Variants in ZDHHC18 observed in about 807,000 individuals in gnomAD.
ZDHHC18 encodes the protein palmitoyltransferase ZDHHC18.
ZDHHC18 carries 23 observed loss-of-function variants against 37.5 expected under a neutral mutation model. That is an observed-to-expected ratio of 0.61 (90% confidence interval 0.44 to 0.87). The LOEUF (loss-of-function observed/expected upper bound fraction) is 0.87. Among genes scored for constraint, ZDHHC18 ranks in the 40% least tolerant of loss-of-function variants. ZDHHC18 has a pLI of 0.00. For synonymous variants in ZDHHC18, 185 were observed against 218.7 expected (o/e 0.85, Z 1.36); for missense variants, 406 against 525.6 (o/e 0.77, Z 2.22).
At chr1:26,838,229 C>T (rs1022367030) in intron 2 of ZDHHC18, among the ~76,000 whole-genome samples, 2 of 151,376 alleles carry the variant, frequency 1.3e-5, no homozygotes, top group African/African-American at 2.4e-5. Flanking sequence ...TCCCGACCTC[C>T]GGTGATCCGC....
intron 2 of ZDHHC18, among the ~76,000 whole-genome samples, chr1:26,839,710 C>T (rs1262559002): frequency 6.6e-6 from 1 of 152,208 alleles, no homozygotes; most frequent in Non-Finnish European, 1.5e-5. Context: ...TCACTTTTCT[C>T]TATTGAAACT....
At chr1:26,833,634 G>A (rs2081597676) in intron 2 of ZDHHC18, among the ~76,000 whole-genome samples, 1 of 152,100 alleles carries the variant, frequency 6.6e-6, no homozygotes, top group African/African-American at 2.4e-5. Flanking sequence ...TTCCGGGGTG[G>A]CGGGGTACTG....
intron 2 of ZDHHC18, among the ~76,000 whole-genome samples, chr1:26,848,040 C>G (rs1261076541): frequency 6.6e-6 from 1 of 152,084 alleles, no homozygotes; most frequent in African/African-American, 2.4e-5. Flanking sequence ...TGGCTGGGCG[C>G]GGTGCATCAC....
In ZDHHC18 at chr1:26,854,784, C is replaced by T. The variant is rs2081724890; in HGVS notation, c.*941C>T. The T allele has an allele frequency of 6.6e-6, 1 of 152,550 alleles. No homozygotes were observed. The highest frequency in any genetic ancestry group is 6.5e-5 in the Admixed American group (1 of 15,270). The allele number at this position is 152,550 out of a possible 1,614,324, so 9.4% of individuals were successfully genotyped here. A position where few individuals can be genotyped will look rare whatever the true frequency, so the allele number is the denominator to read the frequency against. On this transcript the variant is annotated 3_prime_UTR_variant, in exon 8 of 8. Transcript: ENST00000374142. This position sits in a 1 kb window ranked among gnomAD's most constrained non-coding sequence, Gnocchi z 4.6. The stretch of plus-strand genomic sequence containing the variant: ...TGCCAGGTGAAGGGTTATCAGAAGG[C>T]TGGTTGGTTTTAATAAGTTTATTCC...
chr1:26,849,223 TGATGAGGTGCAGAG>T (rs1267390778), intron 3 of ZDHHC18, among the ~76,000 whole-genome samples: 8 of 152,316 alleles, frequency 5.3e-5, no homozygotes, highest in African/African-American at 1.9e-4. Context: ...GCGTTTAAGC[TGATGAGGTGCAGAG>T]GATGTCACCA....
At chr1:26,851,494 G>T (rs1221569645) in intron 6 of ZDHHC18, among the ~76,000 whole-genome samples, 1 of 152,230 alleles carries the variant, frequency 6.6e-6, no homozygotes, top group Non-Finnish European at 1.5e-5. Flanking sequence ...GCAGGAGGCA[G>T]TACTCACACC....
Position 26,848,603 on chromosome 1 carries a change from C to T in ZDHHC18, c.497-5C>T. ...TTCCCCATCTTTCTCTCCTCCTTCCCTCAGACAACACAGGCAGTTCTACAT... is the reference window on the plus strand; with the variant it reads ...TTCCCCATCTTTCTCTCCTCCTTCCTTCAGACAACACAGGCAGTTCTACAT... On this transcript the variant is annotated splice_region_variant and splice_polypyrimidine_tract_variant and intron_variant, in intron 2 of 7. Coordinates refer to ENST00000374142, the MANE Select transcript of ZDHHC18 (RefSeq NM_032283.3). 1 of 1,608,274 alleles carries T rather than the reference C, an allele frequency of 6.2e-7. No individual in the cohort carries two copies. The highest frequency in any genetic ancestry group is 1.1e-5 in the South Asian group (1 of 91,008).
intron 1 of ZDHHC18, 36 bp downstream of exon 1, chr1:26,827,175 CCTGCCGCG>C: frequency 1.5e-6 from 2 of 1,328,524 alleles, no homozygotes; most frequent in East Asian, 3.0e-5. Flanking sequence ...CTCCCAGCCC[CCTGCCGCG>C]CACCCCACCT....
rs1260347199 is a variant in ZDHHC18 at position 26,826,927 on chromosome 1, C to A, written c.123C>A (p.Ala41=). ...CGGGCCCCGGGCCCGCGCCGCCCGC[C>A]GCCCCCGCCCCGCCGCGCTGGAGCA... ...PTPGPGPAPP[A]APAPPRWSSS... The change falls in exon 1 of 8, where the codon GCC becomes GCA. Residue 41 remains alanine, a synonymous_variant. Coordinates refer to ENST00000374142, the MANE Select transcript of ZDHHC18 (RefSeq NM_032283.3). The surrounding 1 kb of genome is among the most constrained non-coding windows in gnomAD (Gnocchi z 5.2). 4 of 1,053,430 alleles carry A rather than the reference C, an allele frequency of 3.8e-6. No individual in the cohort carries two copies. The African/African-American group carries it at 6.9e-5, about 18-fold the overall frequency. 65.3% of individuals were successfully genotyped at this position (1,053,430 alleles called of 1,614,324 possible).
In ZDHHC18 at chr1:26,855,884, C is replaced by T. The variant is rs1422481732; in HGVS notation, c.*2041C>T. 2 of 201,730 alleles carry T rather than the reference C, an allele frequency of 9.9e-6. No homozygotes were observed. Among genetic ancestry groups the T allele is most frequent in the African/African-American group, 2.3e-5 (1 of 43,684 alleles). 12.5% of individuals were successfully genotyped at this position (201,730 alleles called of 1,614,324 possible). A position where few individuals can be genotyped will look rare whatever the true frequency, so the allele number is the denominator to read the frequency against. ...TCCCTCACCTGGCTGGAGCTCTGTC[C>T]GCTGGAGGAAGAGCAGAGAGGGCTG... On this transcript the variant is annotated 3_prime_UTR_variant, in exon 8 of 8. Coordinates refer to ENST00000374142, the MANE Select transcript of ZDHHC18 (RefSeq NM_032283.3).
At chr1:26,832,157 G>A (rs150265602) in intron 1 of ZDHHC18, 74 of 375,676 alleles carry the variant, frequency 2.0e-4, no homozygotes, top group African/African-American at 1.2e-3. Context: ...AGCTCTGTGT[G>A]TAGAGGGATT....
chr1:26,847,142 G>A (rs182265397), intron 2 of ZDHHC18, among the ~76,000 whole-genome samples: 7 of 152,048 alleles, frequency 4.6e-5, no homozygotes, highest in African/African-American at 1.7e-4. Flanking sequence ...TGATCCGCCC[G>A]CCTCGGCCCC....
rs543682227 is a variant in ZDHHC18, at chr1:26,857,377, C to G, written c.*3534C>G. 30 of 152,316 alleles carry G rather than the reference C, an allele frequency of 2.0e-4. No individual in the cohort carries two copies. Among genetic ancestry groups the G allele is most frequent in the African/African-American group, 7.2e-4 (30 of 41,546 alleles). The allele number at this position is 152,316 out of a possible 1,614,324, so 9.4% of individuals were successfully genotyped here. Reference sequence around the variant, plus strand: ...CCACGGCCTGTCCACCTCCCACCCCCAACCCTCCACCAGAGTAGGTAGGAT... The same window carrying G: ...CCACGGCCTGTCCACCTCCCACCCCGAACCCTCCACCAGAGTAGGTAGGAT... On this transcript the variant is annotated 3_prime_UTR_variant, in exon 8 of 8. Coordinates refer to ENST00000374142, the MANE Select transcript of ZDHHC18 (RefSeq NM_032283.3).
At chr1:26,848,823 G>A in intron 3 of ZDHHC18, 66 bp downstream of exon 3, 1 of 1,571,312 alleles carries the variant, frequency 6.4e-7, no homozygotes, top group East Asian at 2.3e-5. Flanking sequence ...GGGGATGGGG[G>A]GCATCAAGCA....
Position 26,853,081 on chromosome 1 carries a change from G to A in ZDHHC18, c.1049+216G>A. 1.2e-5 allele frequency: 6 copies of A among 501,776 alleles called. No homozygotes were observed. In the South Asian group the frequency reaches 1.2e-4, roughly 10 times the overall value. 31.1% of individuals were successfully genotyped at this position (501,776 alleles called of 1,614,324 possible). A position where few individuals can be genotyped will look rare whatever the true frequency, so the allele number is the denominator to read the frequency against. On this transcript the variant is annotated intron_variant, in intron 7 of 7. Coordinates refer to ENST00000374142, the MANE Select transcript of ZDHHC18 (RefSeq NM_032283.3). ...AAAATTAAGTACAAAACGTAAAACA[G>A]AGGAGCATTGGATATGACATGTAAT...
chr1:26,842,149 A>G lies in ZDHHC18; in HGVS notation c.497-6459A>G, dbSNP rs569216880. On this transcript the variant is annotated intron_variant, in intron 2 of 7. Transcript: ENST00000374142. ...ACTCCATCTCAAAAAAAAAAAAAAA[A>G]AGAGAGAGAGAGAGACAGGGTCCGC... 2.2e-3 allele frequency among the ~76,000 whole-genome samples: 336 copies of G among 149,764 alleles called. 2 individuals are homozygous for G. Among genetic ancestry groups the G allele is most frequent in the African/African-American group, 7.6e-3 (307 of 40,610 alleles).
In ZDHHC18 at chr1:26,854,040, C is replaced by T; in HGVS notation, c.*197C>T. On this transcript the variant is annotated 3_prime_UTR_variant, in exon 8 of 8. Coordinates refer to ENST00000374142, the MANE Select transcript of ZDHHC18 (RefSeq NM_032283.3). The surrounding 1 kb of genome is among the most constrained non-coding windows in gnomAD (Gnocchi z 4.6). ...CTCCCCAAACCCAGGTTCCCACAGC[C>T]TTGGGCCCTAGGTACCCCAGCTGAT... The T allele has an allele frequency of 1.7e-6, 1 of 599,528 alleles. No individual in the cohort carries two copies. The highest frequency in any genetic ancestry group is 3.0e-6 in the Non-Finnish European group (1 of 338,504). The allele number at this position is 599,528 out of a possible 1,614,324, so 37.1% of individuals were successfully genotyped here.
chr1:26,840,817 G>A (rs2081635163), intron 2 of ZDHHC18, among the ~76,000 whole-genome samples: 2 of 151,746 alleles, frequency 1.3e-5, no homozygotes, highest in Admixed American at 1.3e-4. Flanking sequence ...CAGTGGCACA[G>A]TCATACCTCA....
At position 26,847,364 on chromosome 1, in the gene ZDHHC18, G is replaced by A. The variant is rs550390738; in HGVS notation, c.497-1244G>A. On this transcript the variant is annotated intron_variant, in intron 2 of 7. Coordinates refer to ENST00000374142, the MANE Select transcript of ZDHHC18 (RefSeq NM_032283.3). ...GTAGCTGGGACTATAGTCACACGCCGTCATACCCGGCTAATTTTTGTCATT... is the reference window on the plus strand; with the variant it reads ...GTAGCTGGGACTATAGTCACACGCCATCATACCCGGCTAATTTTTGTCATT... Among the ~76,000 whole-genome samples, 15 of 151,872 alleles carry A rather than the reference G, an allele frequency of 9.9e-5. 1 individual carries two copies. Among genetic ancestry groups the A allele is most frequent in the South Asian group, 4.2e-4 (2 of 4,796 alleles).
Sources: gnomAD v4.1 joint callset for allele counts (sites outside exome capture counted in the v4.1 genomes callset) on GRCh38, gnomAD v4.1.1 for gene constraint, Gnocchi (gnomAD v3.1) non-coding constraint, MANE v1.5 for transcripts, NCBI Gene and HGNC (gene_info 2026-07-23, HGNC 2026-07-21) for gene names.